The following CEP350 variants were observed in gnomAD, a reference collection of about 807,000 sequenced individuals.
CEP350 encodes centrosomal protein 350.
A neutral mutation model predicts 331.8 loss-of-function variants in CEP350; 126 were observed. That is an observed-to-expected ratio of 0.38 (90% CI 0.33 to 0.44). The LOEUF (loss-of-function observed/expected upper bound fraction) is 0.44, where lower values mean the gene tolerates loss of function less well. Among genes scored for constraint, CEP350 ranks in the 20% least tolerant of loss-of-function variants. The pLI is 1.00. For synonymous variants in CEP350, 1,200 were observed against 1,259.5 expected (o/e 0.95, Z 1.00); for missense variants, 3,406 against 3,634.6 (o/e 0.94, Z 1.62).
rs1236485604 is a variant in CEP350 at position 180,041,218 on chromosome 1, A to G, written c.4191A>G (p.Gln1397=). ...AAGAGGCTCTGGAGAGTCAGAGACA[A>G]TTAGAAGAAACCCGAAACAAAGCAG... is the stretch of plus-strand genomic sequence containing the variant. ...AEQEALESQR[Q]LEETRNKAAQ... The change falls in exon 18 of 38, where the codon CAA becomes CAG. Residue 1397 remains glutamine (Q), a synonymous_variant. Coordinates refer to ENST00000367607, the MANE Select transcript of CEP350 (RefSeq NM_014810.5). The G allele has an allele frequency of 6.3e-7, 1 of 1,594,564 alleles. No individual in the cohort carries two copies. Among genetic ancestry groups the G allele is most frequent in the Non-Finnish European group, 8.5e-7 (1 of 1,170,460 alleles).
intron 37 of CEP350, among the ~76,000 whole-genome samples, chr1:180,110,759 A>G (rs1349936448): frequency 1.3e-5 from 2 of 152,198 alleles, no homozygotes; most frequent in African/African-American, 2.4e-5. Context: ...TTTAATATAT[A>G]TGAAATACTT....
chr1:180,008,517 A>G (rs1027565720), intron 8 of CEP350, among the ~76,000 whole-genome samples: 1 of 152,226 alleles, frequency 6.6e-6, no homozygotes, highest in Non-Finnish European at 1.5e-5. Flanking sequence ...TTAGAATGTC[A>G]TATTCTTCTC....
At position 180,024,555 on chromosome 1, in the gene CEP350, A is replaced by T; in HGVS notation, c.3523A>T (p.Lys1175Ter). ...SSRSSTSSKGKKGKKEKTEWL... is the reference protein window; with the variant it reads ...SSRSSTSSKG ...TCGTTCATCTACTTCTTCTAAAGGA[A>T]AGAAAGGAAAAAAGGAAAAGACAGA... Residue 1175 changes from lysine (K) to a stop codon, truncating the protein, a stop_gained, in exon 14 of 38, where the codon AAG (lysine) becomes TAG (stop). Transcript: ENST00000367607. LOFTEE classifies it high-confidence loss of function. 6.2e-7 allele frequency: 1 copy of T among 1,612,368 alleles called. No individual in the cohort carries two copies.
At position 179,970,481 on chromosome 1, in the gene CEP350, A is replaced by G. The variant is rs535110270; in HGVS notation, c.-14+15339A>G. ...TCCTTACTAAATTTACCATTTGTCCATTTTATGTTGAGGATAGATAGTAGG... is the reference window on the plus strand; with the variant it reads ...TCCTTACTAAATTTACCATTTGTCCGTTTTATGTTGAGGATAGATAGTAGG... On this transcript the variant is annotated intron_variant, in intron 1 of 37. Transcript: ENST00000367607. Among the ~76,000 whole-genome samples, 4 of 151,902 alleles carry G rather than the reference A, an allele frequency of 2.6e-5. No individual in the cohort carries two copies. In the South Asian group the frequency reaches 6.3e-4, roughly 24 times the overall value.
At chr1:180,073,157 G>T (rs184660777) in intron 27 of CEP350, among the ~76,000 whole-genome samples, 3 of 152,016 alleles carry the variant, frequency 2.0e-5, no homozygotes, top group African/African-American at 7.2e-5. Context: ...CTTATAGAAT[G>T]GATAGTGTAT....
intron 4 of CEP350, among the ~76,000 whole-genome samples, chr1:179,991,419 C>T (rs61641082): frequency 0.044 from 6,531 of 147,022 alleles, 181 homozygotes; most frequent in Middle Eastern, 0.15. Flanking sequence ...TGGGTTTAAG[C>T]GATTCTCCTG....
intron 37 of CEP350, among the ~76,000 whole-genome samples, chr1:180,105,855 C>T (rs1661112674): frequency 6.6e-6 from 1 of 152,156 alleles, no homozygotes; most frequent in African/African-American, 2.4e-5. Context: ...GTTGCTTGGG[C>T]TGAGGATGTC....
intron 12 of CEP350, among the ~76,000 whole-genome samples, chr1:180,021,220 A>T (rs909194164): frequency 1.3e-5 from 2 of 152,320 alleles, no homozygotes; most frequent in African/African-American, 4.8e-5. Flanking sequence ...TAAAATTGTT[A>T]TTATCATAAA....
intron 5 of CEP350, among the ~76,000 whole-genome samples, chr1:179,995,017 G>A (rs933251710): frequency 5.3e-5 from 8 of 152,104 alleles, no homozygotes; most frequent in African/African-American, 1.9e-4. Flanking sequence ...AGCCACACAT[G>A]TAATTTCAAC....
intron 37 of CEP350, among the ~76,000 whole-genome samples, chr1:180,106,455 G>A (rs527802802): frequency 6.6e-6 from 1 of 152,256 alleles, no homozygotes; most frequent in East Asian, 1.9e-4. Flanking sequence ...TAAAACATTA[G>A]TATTGTCTCC....
intron 37 of CEP350, among the ~76,000 whole-genome samples, chr1:180,099,672 C>T (rs1660681640): frequency 6.6e-6 from 1 of 151,786 alleles, no homozygotes; most frequent in African/African-American, 2.4e-5. Context: ...TTAAATTTAT[C>T]ACCGTTCTCA....
chr1:180,011,684 G>A (rs139353943), intron 8 of CEP350, among the ~76,000 whole-genome samples: 24 of 152,202 alleles, frequency 1.6e-4, no homozygotes, highest in Middle Eastern at 3.4e-3. Flanking sequence ...TGAGGTTTAG[G>A]AATCATTATT....
chr1:180,098,041 G>A (rs1367186034), intron 36 of CEP350, among the ~76,000 whole-genome samples: 1 of 152,162 alleles, frequency 6.6e-6, no homozygotes, highest in Non-Finnish European at 1.5e-5. Context: ...CGTGATCTCA[G>A]CCCACTGCAA....
rs575621966 is a variant in CEP350 at position 180,093,661 on chromosome 1, C to G, written c.7556C>G (p.Thr2519Ser). The G allele has an allele frequency of 1.9e-6, 3 of 1,613,878 alleles. No homozygotes were observed. The highest frequency in any genetic ancestry group is 2.2e-5 in the South Asian group (2 of 91,080). ...QPGILRFKGE[T>S]SFAKGFWAGV... ...GGAATTCTTCGATTCAAAGGTGAGA[C>G]TAGTTTTGCTAAAGGATTTTGGGCC... Residue 2519 changes from threonine (T) to serine (S), a missense_variant, in exon 34 of 38, where the codon ACT becomes AGT. Around this residue, in one of 5 missense-constraint regions of CEP350, gnomAD observed 1,415 missense variants for 1,512.3 expected, o/e 0.94. Coordinates refer to ENST00000367607, the MANE Select transcript of CEP350 (RefSeq NM_014810.5).
chr1:180,006,420 T>C, intron 7 of CEP350, 34 bp from the exon 8 acceptor site: 1 of 1,016,136 alleles, frequency 9.8e-7, no homozygotes, highest in South Asian at 1.4e-5. Context: ...TGAAAATCAT[T>C]GTTATATTTG....
Position 180,094,476 on chromosome 1 carries a change from G to A in CEP350, c.8371G>A (p.Asp2791Asn), listed in dbSNP as rs1484749749. 1 of 1,613,846 alleles carries A rather than the reference G, an allele frequency of 6.2e-7. No homozygotes were observed. The highest frequency in any genetic ancestry group is 8.5e-7 in the Non-Finnish European group (1 of 1,179,816). Residue 2791 changes from aspartate to asparagine, a missense_variant, in exon 34 of 38, where the codon GAT becomes AAT. Asp to Asn is a conservative substitution (Grantham distance 23). Transcript: ENST00000367607. ...GCTTAGCAATCAGGAGCTTCTTGGT[G>A]ATGACCAAAAGAAAGTAACACCCCA... The part of the protein sequence containing the change: ...IQLSNQELLG[D>N]DQKKVTPQDL...
At chr1:179,960,061 A>G (rs1365266802) in intron 1 of CEP350, among the ~76,000 whole-genome samples, 2 of 152,186 alleles carry the variant, frequency 1.3e-5, no homozygotes, top group Admixed American at 6.5e-5. Context: ...AATACTAAAA[A>G]CAAGATAATT....
chr1:179,985,025 C>T (rs1052507953), intron 1 of CEP350, among the ~76,000 whole-genome samples: 1 of 152,040 alleles, frequency 6.6e-6, no homozygotes, highest in Admixed American at 6.6e-5. Context: ...TTTACCATTA[C>T]AACCATTTCT....
chr1:180,074,850 C>G (rs886622015), intron 27 of CEP350, among the ~76,000 whole-genome samples, 172 bp from the exon 28 acceptor site: 1 of 152,092 alleles, frequency 6.6e-6, no homozygotes, highest in African/African-American at 2.4e-5. Context: ...ATTTTCTGAA[C>G]AAGTTGACTC....
Sources: allele counts gnomAD v4.1 joint callset (sites outside exome capture counted in the v4.1 genomes callset), GRCh38; gene constraint gnomAD v4.1.1; regional missense constraint gnomAD v4.1.1; transcripts MANE v1.5; gene names NCBI Gene and HGNC (gene_info 2026-07-23, HGNC 2026-07-21).